NAALADL2: variants seen among roughly 807,000 people sequenced by gnomAD.
NAALADL2 encodes the protein N-acetylated alpha-linked acidic dipeptidase like 2, also known as inactive N-acetylated-alpha-linked acidic dipeptidase-like protein 2.
A neutral mutation model predicts 87.2 loss-of-function variants in NAALADL2; 76 were observed. The ratio of observed to expected loss-of-function variants is 0.87; its 90% CI spans 0.72 to 1.05. The LOEUF is 1.05. Ranked by LOEUF, NAALADL2 falls within the 50% of genes least tolerant of loss-of-function variation. The pLI is 0.00. For missense variants in NAALADL2, 1,089 were observed against 945.8 expected (o/e 1.15, Z -1.99); for synonymous variants, 354 against 331.0 (o/e 1.07, Z -0.75).
chr3:175,310,328 AT>A (rs150863058), intron 4 of NAALADL2, among the ~76,000 whole-genome samples: 13,573 of 150,738 alleles, frequency 0.09, 2,049 homozygotes, highest in African/African-American at 0.31. Flanking sequence ...TTTAGTCACC[AT>A]TTTTTTTTCT....
intron 2 of NAALADL2, among the ~76,000 whole-genome samples, chr3:174,656,960 CTT>C (rs1022521740): frequency 2.6e-5 from 4 of 151,502 alleles, no homozygotes; most frequent in Non-Finnish European, 4.4e-5. Context: ...CATTCATAAA[CTT>C]AAGAGATAAG....
intron 1 of NAALADL2, among the ~76,000 whole-genome samples, chr3:174,511,669 G>A (rs1293341365): frequency 6.7e-6 from 1 of 150,178 alleles, no homozygotes; most frequent in Non-Finnish European, 1.5e-5. Context: ...CTATGTGTAG[G>A]CTTAAATCTA....
chr3:175,524,056 T>C (rs1195951402), intron 9 of NAALADL2, among the ~76,000 whole-genome samples: 1 of 152,188 alleles, frequency 6.6e-6, no homozygotes. Flanking sequence ...CTCTGGAAAG[T>C]GATTTTATGT....
intron 1 of NAALADL2, among the ~76,000 whole-genome samples, chr3:175,003,552 A>G (rs1748539161): frequency 6.6e-6 from 1 of 152,160 alleles, no homozygotes; most frequent in Non-Finnish European, 1.5e-5. Flanking sequence ...CCTCTGGCCT[A>G]CCACTACGCT....
intron 4 of NAALADL2, among the ~76,000 whole-genome samples, chr3:175,305,227 G>GGT (rs547744658): frequency 0.014 from 2,095 of 147,476 alleles, 42 homozygotes; most frequent in African/African-American, 0.041. Flanking sequence ...ATGCTTACAT[G>GGT]GTGTGTGTGT....
intron 9 of NAALADL2, among the ~76,000 whole-genome samples, chr3:175,572,674 T>C (rs746642714): frequency 1.6e-4 from 25 of 152,160 alleles, no homozygotes; most frequent in African/African-American, 5.8e-4. Context: ...ATAGTAGCTA[T>C]AGCAAGAACA....
intron 13 of NAALADL2, among the ~76,000 whole-genome samples, chr3:175,777,487 C>T (rs1750405930): frequency 6.6e-6 from 1 of 152,070 alleles, no homozygotes; most frequent in Non-Finnish European, 1.5e-5. Context: ...GCAGTTATTA[C>T]TTTTATCACT....
rs1258707252 is a variant in NAALADL2 at position 175,412,346 on chromosome 3, G to A, written c.1091-34883G>A. ...CACTCTAAAGAAGCAAGCATTTAAT[G>A]GATAAATGGATGTTTGGGCTTTTAC... On this transcript the variant is annotated intron_variant, in intron 5 of 13. Coordinates refer to ENST00000454872, the MANE Select transcript of NAALADL2 (RefSeq NM_207015.3). Among the ~76,000 whole-genome samples the A allele has an allele frequency of 3.9e-5, 6 of 152,100 alleles. No homozygotes were observed. The East Asian group carries it at 1.2e-3, about 29-fold the overall frequency.
intron 1 of NAALADL2, among the ~76,000 whole-genome samples, chr3:174,461,358 A>G (rs1416053093): frequency 6.6e-6 from 1 of 152,104 alleles, no homozygotes; most frequent in Non-Finnish European, 1.5e-5. Flanking sequence ...TATGTGTGTC[A>G]TATCTAGATT....
chr3:175,147,651 C>A (rs993169327), intron 2 of NAALADL2, among the ~76,000 whole-genome samples: 12 of 152,242 alleles, frequency 7.9e-5, no homozygotes, highest in African/African-American at 2.2e-4. Context: ...GTTTTATGTT[C>A]TTTGAGAAAT....
intron 11 of NAALADL2, among the ~76,000 whole-genome samples, chr3:175,727,030 CAAATT>C (rs947901931): frequency 6.6e-6 from 1 of 152,150 alleles, no homozygotes; most frequent in Non-Finnish European, 1.5e-5. Flanking sequence ...CTTTCATAAT[CAAATT>C]AAATTTCAGT....
chr3:174,449,756 A>C (rs1277494522), intron 1 of NAALADL2, among the ~76,000 whole-genome samples: 1 of 152,122 alleles, frequency 6.6e-6, no homozygotes, highest in Non-Finnish European at 1.5e-5. Flanking sequence ...TTTGGAGATA[A>C]TGTTGAAATT....
chr3:175,768,623 G>A (rs1157808438), intron 13 of NAALADL2, among the ~76,000 whole-genome samples: 1 of 152,186 alleles, frequency 6.6e-6, no homozygotes, highest in African/African-American at 2.4e-5. Context: ...GCCAAGGTGG[G>A]CAGATCACTT....
At chr3:174,472,112 A>G (rs1182785044) in intron 1 of NAALADL2, among the ~76,000 whole-genome samples, 1 of 152,166 alleles carries the variant, frequency 6.6e-6, no homozygotes, top group Non-Finnish European at 1.5e-5. Context: ...CAGTGATCAT[A>G]TCTGTACTTC....
chr3:175,732,906 G>C (rs1261349525), intron 11 of NAALADL2, among the ~76,000 whole-genome samples: 3 of 151,618 alleles, frequency 2.0e-5, no homozygotes, highest in Non-Finnish European at 2.9e-5. Context: ...TCTGTCGGGG[G>C]GTAGGGTGGT....
chr3:174,846,897 A>C (rs1408932306), intron 3 of NAALADL2, among the ~76,000 whole-genome samples: 1 of 152,084 alleles, frequency 6.6e-6, no homozygotes, highest in Non-Finnish European at 1.5e-5. Context: ...GATGAGAGAG[A>C]AGAAAGACTG....
intron 5 of NAALADL2, among the ~76,000 whole-genome samples, chr3:175,423,051 A>ATTT (rs201372383): frequency 1.2e-4 from 11 of 91,494 alleles, no homozygotes; most frequent in African/African-American, 2.1e-4. Context: ...ATATATATAT[A>ATTT]TTTTTTTTTT....
intron 1 of NAALADL2, among the ~76,000 whole-genome samples, chr3:175,003,763 G>T (rs1748578466): frequency 6.6e-6 from 1 of 152,180 alleles, no homozygotes; most frequent in South Asian, 2.1e-4. Flanking sequence ...TATCATAATA[G>T]TGACTATGAA....
At chr3:174,629,401 C>T (rs1199275886) in intron 2 of NAALADL2, among the ~76,000 whole-genome samples, 1 of 152,172 alleles carries the variant, frequency 6.6e-6, no homozygotes, top group Non-Finnish European at 1.5e-5. Flanking sequence ...TGGTCATTGG[C>T]TTAAACAATT....
Sources: allele counts gnomAD v4.1 joint callset (sites outside exome capture counted in the v4.1 genomes callset), GRCh38; gene constraint gnomAD v4.1.1; transcripts MANE v1.5; gene names NCBI Gene and HGNC (gene_info 2026-07-23, HGNC 2026-07-21).